Variants in NF2 observed in about 807,000 individuals in gnomAD.
The protein encoded by NF2 is NF2, moesin-ezrin-radixin like (MERLIN) tumor suppressor.
Under a neutral mutation model 83.7 loss-of-function variants are expected in NF2, and 8 were observed. The ratio of observed to expected loss-of-function variants is 0.10; its 90% CI spans 0.06 to 0.17. NF2 has a LOEUF of 0.17. Ranked by LOEUF, NF2 falls within the 10% of genes least tolerant of loss-of-function variation. The pLI is 1.00. For missense variants in NF2, 533 were observed against 744.4 expected (o/e 0.72, Z 3.31); for synonymous variants, 266 against 269.6 (o/e 0.99, Z 0.13).
intron 10 of NF2, among the ~76,000 whole-genome samples, chr22:29,670,511 G>A (rs1227803071): frequency 6.7e-6 from 1 of 149,262 alleles, no homozygotes; most frequent in Non-Finnish European, 1.5e-5. Context: ...GCTTGTGTGT[G>A]TGTGTGTGTG....
At chr22:29,685,802 G>A (rs2067255606) in intron 15 of NF2, among the ~76,000 whole-genome samples, 1 of 152,168 alleles carries the variant, frequency 6.6e-6, no homozygotes, top group Non-Finnish European at 1.5e-5. Flanking sequence ...TGGGGGCTGT[G>A]TAACATTGAA....
At chr22:29,681,412 TG>T in intron 14 of NF2, 26 bp from the exon 15 acceptor site, 1 of 1,613,030 alleles carries the variant, frequency 6.2e-7, no homozygotes, top group Non-Finnish European at 8.5e-7. Flanking sequence ...GCCCAAGCCC[TG>T]ATGCATGATA....
Position 29,618,309 on chromosome 22 carries a change from GGA to G in NF2, c.114+14207_114+14208del, listed in dbSNP as rs201408993. On this transcript the variant is annotated intron_variant, in intron 1 of 15. Transcript: ENST00000338641. ...ATGGCAGATGCATTTTGAAAAAAAAGGAGAGAGAGAGTACTTGTAGAATTCTT... is the reference window on the plus strand; with the variant it reads ...ATGGCAGATGCATTTTGAAAAAAAAGGAGAGAGAGTACTTGTAGAATTCTT... Among the ~76,000 whole-genome samples, 13 of 152,226 alleles carry G rather than the reference GGA, an allele frequency of 8.5e-5. No homozygotes were observed. The East Asian group carries it at 1.5e-3, about 18-fold the overall frequency.
chr22:29,627,524 A>G (rs558283338), intron 1 of NF2, among the ~76,000 whole-genome samples: 8 of 152,256 alleles, frequency 5.3e-5, no homozygotes, highest in Admixed American at 4.6e-4. Context: ...TGCATGGCTC[A>G]TAAGAGATTT....
At chr22:29,653,306 T>G (rs2066204692) in intron 4 of NF2, among the ~76,000 whole-genome samples, 1 of 151,714 alleles carries the variant, frequency 6.6e-6, no homozygotes, top group Non-Finnish European at 1.5e-5. Flanking sequence ...TAGCCCGGGG[T>G]GGTGGCGTGC....
intron 1 of NF2, among the ~76,000 whole-genome samples, chr22:29,632,047 A>G (rs2065526746): frequency 1.3e-5 from 2 of 152,186 alleles, no homozygotes. Flanking sequence ...TACTTGGGAG[A>G]ATGGAGAAAA....
intron 10 of NF2, among the ~76,000 whole-genome samples, chr22:29,669,790 A>C (rs2066727616): frequency 6.6e-6 from 1 of 152,186 alleles, no homozygotes; most frequent in African/African-American, 2.4e-5. Flanking sequence ...GAAATTTAGA[A>C]TGTGAGTAAG....
chr22:29,660,833 C>A (rs535365388), intron 7 of NF2, among the ~76,000 whole-genome samples: 25 of 152,348 alleles, frequency 1.6e-4, no homozygotes, highest in Non-Finnish European at 2.5e-4. Context: ...TCCCAAAGTG[C>A]TGGGATTACA....
intron 13 of NF2, among the ~76,000 whole-genome samples, chr22:29,676,243 G>A (rs574782754): frequency 1.3e-5 from 2 of 151,834 alleles, no homozygotes; most frequent in African/African-American, 4.8e-5. Flanking sequence ...GCAGAATCTC[G>A]GCTCACTGCA....
intron 4 of NF2, among the ~76,000 whole-genome samples, chr22:29,652,406 G>C (rs2066174633): frequency 6.6e-6 from 1 of 152,174 alleles, no homozygotes; most frequent in Non-Finnish European, 1.5e-5. Context: ...CCGGGTTCAA[G>C]CGATTCTCCT....
chr22:29,618,322 A>G (rs1224516886), intron 1 of NF2, among the ~76,000 whole-genome samples: 1 of 152,196 alleles, frequency 6.6e-6, no homozygotes, highest in Non-Finnish European at 1.5e-5. Flanking sequence ...GAGAGAGAGT[A>G]CTTGTAGAAT....
intron 1 of NF2, among the ~76,000 whole-genome samples, chr22:29,613,902 G>A (rs1250592956): frequency 6.6e-6 from 1 of 151,432 alleles, no homozygotes; most frequent in Admixed American, 6.6e-5. Flanking sequence ...TGGACTACAG[G>A]CGCCTGTCAC....
chr22:29,634,879 C>T lies in NF2; in HGVS notation c.115-1872C>T, dbSNP rs202018680. On this transcript the variant is annotated intron_variant, in intron 1 of 15. Coordinates refer to ENST00000338641, the MANE Select transcript of NF2 (RefSeq NM_000268.4). ...TGTGCCCATTACTCAGCCTTAAAAA[C>T]GAGGAAGGAGATCATCTGTTAAAAA... 8.5e-5 allele frequency among the ~76,000 whole-genome samples: 13 copies of T among 152,284 alleles called. No homozygotes were observed. In the East Asian group the frequency reaches 1.5e-3, roughly 18 times the overall value.
rs1199533707 is a variant in NF2 at position 29,681,424 on chromosome 22, C to A, written c.1575-15C>A. The stretch of plus-strand genomic sequence containing the variant: ...TCTGCCCAAGCCCTGATGCATGATA[C>A]CCTCTTGCCGGCAGAGTGGAATACA... On this transcript the variant is annotated splice_polypyrimidine_tract_variant and intron_variant, in intron 14 of 15. Coordinates refer to ENST00000338641, the MANE Select transcript of NF2 (RefSeq NM_000268.4). 1 of 1,613,382 alleles carries A rather than the reference C, an allele frequency of 6.2e-7. No individual in the cohort carries two copies. Among genetic ancestry groups the A allele is most frequent in the African/African-American group, 1.3e-5 (1 of 74,886 alleles).
intron 4 of NF2, among the ~76,000 whole-genome samples, chr22:29,647,567 G>T (rs188237520): frequency 9.3e-4 from 141 of 152,286 alleles, no homozygotes; most frequent in African/African-American, 2.7e-3. Flanking sequence ...AGAATATTAG[G>T]TTCACACTTC....
intron 1 of NF2, among the ~76,000 whole-genome samples, chr22:29,619,646 C>T (rs867461198): frequency 1.0e-3 from 157 of 149,654 alleles, no homozygotes; most frequent in African/African-American, 3.5e-3. Context: ...CTGCCTGGCT[C>T]GGCCTCCCAA....
At chr22:29,614,395 G>A (rs1055923615) in intron 1 of NF2, among the ~76,000 whole-genome samples, 5 of 152,170 alleles carry the variant, frequency 3.3e-5, no homozygotes, top group African/African-American at 1.2e-4. Flanking sequence ...TGGCTAACAT[G>A]GTGAAACCCT....
intron 13 of NF2, among the ~76,000 whole-genome samples, chr22:29,676,841 G>A (rs925351338): frequency 2.0e-5 from 3 of 148,916 alleles, no homozygotes; most frequent in Non-Finnish European, 4.5e-5. Context: ...CAACTAGTAC[G>A]CGTTTTTGCT....
intron 1 of NF2, among the ~76,000 whole-genome samples, chr22:29,610,547 G>A (rs2064924318): frequency 1.3e-5 from 2 of 151,970 alleles, no homozygotes; most frequent in East Asian, 1.9e-4. Flanking sequence ...AGAGGCTGAG[G>A]CAGGAGAATC....
Sources: allele counts gnomAD v4.1 joint callset (sites outside exome capture counted in the v4.1 genomes callset), GRCh38; gene constraint gnomAD v4.1.1; transcripts MANE v1.5; gene names NCBI Gene and HGNC (gene_info 2026-07-23, HGNC 2026-07-21).